The following TIAM1 variants were observed in gnomAD, a reference collection of about 807,000 sequenced individuals.
TIAM1 encodes the protein rho guanine nucleotide exchange factor TIAM1.
Under a neutral mutation model 163.5 loss-of-function variants are expected in TIAM1, and 65 were observed. The observed-to-expected ratio is 0.40, with a 90% CI of 0.33 to 0.49. TIAM1 has a LOEUF of 0.49. Among genes scored for constraint, TIAM1 ranks in the 20% least tolerant of loss-of-function variants. TIAM1 has a pLI of 0.77. For missense variants in TIAM1, 1,789 were observed against 2,044.7 expected (o/e 0.87, Z 2.41); for synonymous variants, 833 against 810.1 (o/e 1.03, Z -0.48).
At chr21:31,334,375 C>T (rs1019491405) in intron 2 of TIAM1, among the ~76,000 whole-genome samples, 1 of 151,912 alleles carries the variant, frequency 6.6e-6, no homozygotes, top group African/African-American at 2.4e-5. Flanking sequence ...GCCTCAAAGT[C>T]CTTGGCTCAA....
At chr21:31,239,124 CAATTTTTTTTTTTTTT>C (rs1451529166) in intron 6 of TIAM1, among the ~76,000 whole-genome samples, 1 of 150,698 alleles carries the variant, frequency 6.6e-6, no homozygotes, top group Non-Finnish European at 1.5e-5. Context: ...TGCAGAAAAA[CAATTTTTTTTTTTTTT>C]AAGATAGGGT....
intron 16 of TIAM1, chr21:31,160,394 A>T (rs556443692): frequency 2.5e-6 from 1 of 398,648 alleles, no homozygotes; most frequent in Non-Finnish European, 4.4e-6. Context: ...CTAGAAAGTC[A>T]TAACACAATC....
intron 16 of TIAM1, among the ~76,000 whole-genome samples, chr21:31,155,352 A>AATTTCATC (rs1435068540): frequency 6.6e-6 from 1 of 152,238 alleles, no homozygotes; most frequent in African/African-American, 2.4e-5. Context: ...ACCAGAGATC[A>AATTTCATC]ATTTCATCAG....
intron 1 of TIAM1, among the ~76,000 whole-genome samples, chr21:31,485,944 C>T (rs917775229): frequency 3.3e-5 from 5 of 152,174 alleles, no homozygotes; most frequent in African/African-American, 1.2e-4. Context: ...AGCTCTACGC[C>T]CTGCCTAACC....
intron 2 of TIAM1, among the ~76,000 whole-genome samples, chr21:31,351,692 CAAGGGGTTAAGAT>C (rs2076236704): frequency 6.6e-6 from 1 of 152,108 alleles, no homozygotes; most frequent in Non-Finnish European, 1.5e-5. Flanking sequence ...CACATGTGCC[CAAGGGGTTAAGAT>C]AGCAACCTGG....
chr21:31,309,839 T>A (rs1032960750), intron 2 of TIAM1, among the ~76,000 whole-genome samples: 1 of 152,220 alleles, frequency 6.6e-6, no homozygotes, highest in Non-Finnish European at 1.5e-5. Context: ...GAGCTGGATA[T>A]AAAGACATCA....
intron 4 of TIAM1, among the ~76,000 whole-genome samples, chr21:31,262,550 C>T (rs540391821): frequency 3.6e-4 from 55 of 152,290 alleles, no homozygotes; most frequent in Admixed American, 7.2e-4. Flanking sequence ...ATAAAATACA[C>T]GAATTAAACC....
intron 26 of TIAM1, among the ~76,000 whole-genome samples, chr21:31,125,897 C>T (rs1242428134): frequency 6.6e-6 from 1 of 152,196 alleles, no homozygotes; most frequent in Non-Finnish European, 1.5e-5. Context: ...CTCTATAAGG[C>T]CTTAGGCTAA....
intron 1 of TIAM1, among the ~76,000 whole-genome samples, chr21:31,489,405 G>A (rs1224937658): frequency 6.5e-5 from 6 of 92,084 alleles, no homozygotes; most frequent in Admixed American, 6.3e-4. Flanking sequence ...AGGGGAGGGG[G>A]AGGGAAGAAG....
At chr21:31,415,410 C>A (rs2043337120) in intron 2 of TIAM1, among the ~76,000 whole-genome samples, 1 of 152,172 alleles carries the variant, frequency 6.6e-6, no homozygotes, top group African/African-American at 2.4e-5. Flanking sequence ...CATAGCTATT[C>A]AAAATATTCT....
intron 15 of TIAM1, among the ~76,000 whole-genome samples, chr21:31,175,966 T>C (rs1246478458): frequency 3.3e-5 from 5 of 152,246 alleles, no homozygotes; most frequent in African/African-American, 4.8e-5. Flanking sequence ...TGATGTTCCC[T>C]GCAACATTTC....
intron 4 of TIAM1, among the ~76,000 whole-genome samples, chr21:31,262,432 AC>A (rs1292456544): frequency 6.6e-6 from 1 of 152,262 alleles, no homozygotes; most frequent in Non-Finnish European, 1.5e-5. Context: ...TTTTACAGAA[AC>A]CAACAGAAAT....
chr21:31,529,201 G>A (rs550232989), intron 1 of TIAM1, among the ~76,000 whole-genome samples: 224 of 151,980 alleles, frequency 1.5e-3, no homozygotes, highest in African/African-American at 5.1e-3. Flanking sequence ...TTACAGGTGT[G>A]AGCCACCGCG....
At chr21:31,432,050 C>T in intron 2 of TIAM1, among the ~76,000 whole-genome samples, 1 of 148,618 alleles carries the variant, frequency 6.7e-6, no homozygotes, top group Non-Finnish European at 1.5e-5. Context: ...ATCTGGAAAC[C>T]TTAATAAATA....
In TIAM1 at chr21:31,549,551, T is replaced by A. The variant is rs1020017212; in HGVS notation, c.-422+9376A>T. Among the ~76,000 whole-genome samples the A allele has an allele frequency of 7.2e-5, 11 of 152,288 alleles. No homozygotes were observed. The South Asian group carries it at 2.3e-3, about 32-fold the overall frequency. ...AATATACGATTAGCCTACAAGCACA[T>A]GAAACGATGTTCTGTTCAATGACAT... On this transcript the variant is annotated intron_variant, in intron 1 of 28. Transcript: ENST00000286827.
intron 2 of TIAM1, among the ~76,000 whole-genome samples, chr21:31,292,611 C>G (rs1029141772): frequency 6.6e-6 from 1 of 151,386 alleles, no homozygotes; most frequent in Non-Finnish European, 1.5e-5. Flanking sequence ...CTCAAGTGAT[C>G]CACCCGCCTC....
chr21:31,124,509 AT>A lies in TIAM1; in HGVS notation c.4306+12del. The stretch of plus-strand genomic sequence containing the variant: ...GGTGACGGGAATCTTGAACGTCCGA[AT>A]CCCCACAGTACCTGCCCTGCTCATG... On this transcript the variant is annotated intron_variant, in intron 27 of 27. Coordinates refer to ENST00000541036, the MANE Select transcript of TIAM1 (RefSeq NM_001353694.2). The A allele has an allele frequency of 6.2e-7, 1 of 1,611,790 alleles. No homozygotes were observed.
Position 31,295,245 on chromosome 21 carries a change from C to T in TIAM1, c.-188-18337G>A, listed in dbSNP as rs981605723. Among the ~76,000 whole-genome samples the T allele has an allele frequency of 1.3e-3, 201 of 152,122 alleles. 2 individuals carry two copies. The East Asian group carries it at 0.036, about 27-fold the overall frequency. On this transcript the variant is annotated intron_variant, in intron 2 of 27. Coordinates refer to ENST00000541036, the MANE Select transcript of TIAM1 (RefSeq NM_001353694.2). ...CAGCACTTTGGGAGGCCAAGGCGGG[C>T]GGATCATGAAGTCAGGAAATCGAGA...
chr21:31,132,028 A>G (rs2082429200), intron 23 of TIAM1, among the ~76,000 whole-genome samples: 1 of 152,208 alleles, frequency 6.6e-6, no homozygotes, highest in African/African-American at 2.4e-5. Flanking sequence ...GGACTAAGAT[A>G]GTCTCCATTA....
Sources: gnomAD v4.1 joint callset for allele counts (sites outside exome capture counted in the v4.1 genomes callset) on GRCh38, gnomAD v4.1.1 for gene constraint, MANE v1.5 for transcripts, NCBI Gene and HGNC (gene_info 2026-07-23, HGNC 2026-07-21) for gene names.